Variants in TTN observed in about 807,000 individuals in gnomAD.
TTN encodes connectin.
A neutral mutation model predicts 3,223.0 loss-of-function variants in TTN; 1,525 were observed. That is an observed-to-expected ratio of 0.47 (90% CI 0.45 to 0.49). The LOEUF (loss-of-function observed/expected upper bound fraction) is 0.49, where lower values mean the gene tolerates loss of function less well. Ranked by LOEUF, TTN falls within the 20% of genes least tolerant of loss-of-function variation. The pLI, the probability that TTN is intolerant of heterozygous loss-of-function variation, is 0.00. For missense variants in TTN, 40,786 were observed against 43,424.0 expected, an observed-to-expected ratio of 0.94 and a Z score of 5.40; for synonymous variants, 14,094 against 15,161.0, an observed-to-expected ratio of 0.93 and a Z score of 5.17.
In TTN at chr2:178,534,355, G is replaced by T; in HGVS notation, c.102260C>A (p.Thr34087Lys). 6.2e-7 allele frequency: 1 copy of T among 1,611,846 alleles called. No individual in the cohort carries two copies. The highest frequency in any genetic ancestry group is 8.5e-7 in the Non-Finnish European group (1 of 1,179,812). The change falls in exon 358 of 363, where the codon ACA becomes AAA. Residue 34087 changes from threonine (T) to lysine (K), a missense_variant. Thr to Lys is a moderately conservative substitution (Grantham distance 78). Coordinates refer to ENST00000589042, the MANE Select transcript of TTN (RefSeq NM_001267550.2). ...IERVSTKVIR[T>K]LKHRRYYHTL... ...GTGGTAATAACGCCGGTGTTTTAAT[G>T]TTCTGATAACTTTAGTACTGACTCT...
intron 6 of TTN, chr2:178,799,178 C>G (rs1488956588): frequency 2.6e-6 from 1 of 377,784 alleles, no homozygotes; most frequent in African/African-American, 2.1e-5. Flanking sequence ...TGAGGACAAA[C>G]ACTCCTGCCT....
At position 178,679,429 on chromosome 2, in the gene TTN, T is replaced by C. The variant is rs535050836; in HGVS notation, c.33665-13A>G. 17 of 1,611,580 alleles carry C rather than the reference T, an allele frequency of 1.1e-5. No individual in the cohort carries two copies. The African/African-American group carries it at 1.7e-4, about 16-fold the overall frequency. ...GGAACCTCAGGCACTTTAAAGATAT[T>C]GTTTATTGTTAAGTTCTAACTACTA... On this transcript the variant is annotated splice_polypyrimidine_tract_variant and intron_variant, in intron 141 of 362. Coordinates refer to ENST00000589042, the MANE Select transcript of TTN (RefSeq NM_001267550.2).
intron 354 of TTN, chr2:178,538,328 T>G (rs1296827795): frequency 3.1e-5 from 16 of 510,700 alleles, no homozygotes; most frequent in Non-Finnish European, 5.1e-5. Context: ...TCAAGGAAAG[T>G]GCTCAGTTCA....
Position 178,533,651 on chromosome 2 carries a change from T to G in TTN, c.102964A>C (p.Ser34322Arg). ...DKGLYQLTIN[S>R]VTTDDDAEYT... ...TCAGCGTCATCATCTGTAGTGACAC[T>G]GTTGATTGTTAATTGGTAAAGACCC... The change falls in exon 358 of 363, where the codon AGT (serine) becomes CGT (arginine). Residue 34322 changes from serine (S) to arginine (R), a missense_variant. Transcript: ENST00000589042. The G allele has an allele frequency of 6.2e-7, 1 of 1,613,976 alleles. No individual in the cohort carries two copies. Among genetic ancestry groups the G allele is most frequent in the South Asian group, 1.1e-5 (1 of 91,084 alleles).
chr2:178,752,689 A>T (rs1393359743), intron 47 of TTN, among the ~76,000 whole-genome samples: 2 of 152,082 alleles, frequency 1.3e-5, no homozygotes, highest in Non-Finnish European at 2.9e-5. Context: ...GTTTTCACAC[A>T]ACCTCAGTAA....
At position 178,581,998 on chromosome 2, in the gene TTN, G is replaced by A. The variant is rs1449457427; in HGVS notation, c.66371C>T (p.Thr22124Ile). 2.5e-6 allele frequency: 4 copies of A among 1,613,290 alleles called. No individual in the cohort carries two copies. Among genetic ancestry groups the A allele is most frequent in the Admixed American group, 1.7e-5 (1 of 59,984 alleles). ...AGCTGTAACACGGAACTCATATTCG[G>A]TACCTTCTTGAAGACCTGTTGCTTT... is the stretch of plus-strand genomic sequence containing the variant. ...TLKATGLQEGTEYEFRVTAIN... is the reference protein window; with the variant it reads ...TLKATGLQEGIEYEFRVTAIN... Residue 22124 changes from threonine to isoleucine, a missense_variant, in exon 315 of 363, where the codon ACC (threonine) becomes ATC (isoleucine). Thr to Ile is a moderately conservative substitution (Grantham distance 89). Transcript: ENST00000589042.
At chr2:178,767,721 C>G (rs569812824) in intron 40 of TTN, 38 bp downstream of exon 40, 4 of 1,609,354 alleles carry the variant, frequency 2.5e-6, no homozygotes, top group Non-Finnish European at 3.4e-6. Flanking sequence ...TTATGGACTA[C>G]TGATGATTTT....
chr2:178,529,852 A>C, intron 359 of TTN, 108 bp downstream of exon 359: 4 of 1,231,582 alleles, frequency 3.2e-6, no homozygotes, highest in Non-Finnish European at 4.5e-6. Context: ...TAGGAAAATA[A>C]TTTTATTTTA....
rs794729610 is a variant in TTN at position 178,800,413 on chromosome 2, C to A, written c.565G>T (p.Ala189Ser). The change falls in exon 4 of 363, where the codon GCT becomes TCT. Residue 189 changes from alanine (A) to serine (S), a missense_variant. Ala to Ser is a moderately conservative substitution (Grantham distance 99). Coordinates refer to ENST00000589042, the MANE Select transcript of TTN (RefSeq NM_001267550.2). ...CACGTACCTTGAACCAGTAATTCAG[C>A]AGTCGAAGTAGCTCTTCCAACGCTA... ...TNSVGRATSTAELLVQGEEEV... is the reference protein window; with the variant it reads ...TNSVGRATSTSELLVQGEEEV... 6.2e-7 allele frequency: 1 copy of A among 1,614,032 alleles called. No individual in the cohort carries two copies. Among genetic ancestry groups the A allele is most frequent in the Non-Finnish European group, 8.5e-7 (1 of 1,180,014 alleles).
At chr2:178,664,208 G>A in intron 168 of TTN, 110 bp from the exon 169 acceptor site, 3 of 1,079,656 alleles carry the variant, frequency 2.8e-6, no homozygotes, top group South Asian at 3.3e-5. Flanking sequence ...GCTGAGATCA[G>A]TGGTAACAAG....
At chr2:178,629,091 A>G (rs1172379993) in intron 240 of TTN, among the ~76,000 whole-genome samples, 1 of 152,114 alleles carries the variant, frequency 6.6e-6, no homozygotes, top group Non-Finnish European at 1.5e-5. Context: ...AATTTATTTC[A>G]ATTTCAATAA....
chr2:178,578,711 C>G lies in TTN; in HGVS notation c.68229G>C (p.Val22743=), dbSNP rs895713389. Residue 22743 remains valine, a synonymous_variant, in exon 321 of 363, where the codon GTG becomes GTC. Transcript: ENST00000589042. ...EPIVARHPFD[V]PDAPPPPNIV... Reference sequence around the variant, plus strand: ...TATTGGGAGGTGGGGGAGCATCAGGCACATCTAGAAAAAAGTAGATAATGC... The same window carrying G: ...TATTGGGAGGTGGGGGAGCATCAGGGACATCTAGAAAAAAGTAGATAATGC... The G allele has an allele frequency of 1.2e-6, 2 of 1,609,386 alleles. No homozygotes were observed. Among genetic ancestry groups the G allele is most frequent in the African/African-American group, 2.7e-5 (2 of 74,538 alleles).
At position 178,610,982 on chromosome 2, in the gene TTN, A is replaced by G. The variant is rs2056204870; in HGVS notation, c.51136+11T>C. 6.2e-7 allele frequency: 1 copy of G among 1,609,360 alleles called. No individual in the cohort carries two copies. The highest frequency in any genetic ancestry group is 8.5e-7 in the Non-Finnish European group (1 of 1,178,320). ...TGAAGAATGTCTGGTTTTTCTTCAA[A>G]GAATGATTACCTATGACTTTGACAT... is the stretch of plus-strand genomic sequence containing the variant. On this transcript the variant is annotated intron_variant, in intron 270 of 362. Transcript: ENST00000589042.
chr2:178,629,562 C>T, intron 239 of TTN, 119 bp from the exon 240 acceptor site: 1 of 1,420,622 alleles, frequency 7.0e-7, no homozygotes, highest in Non-Finnish European at 9.7e-7. Context: ...GGACTGGCCA[C>T]TATTTTAACT....
chr2:178,689,516 T>A lies in TTN; in HGVS notation c.31926A>T (p.Ala10642=). 6.2e-7 allele frequency: 1 copy of A among 1,609,104 alleles called. No homozygotes were observed. The highest frequency in any genetic ancestry group is 8.5e-7 in the Non-Finnish European group (1 of 1,177,102). ...VTQREESPPP[A]VPEIPKKKVP... ...TTTCATGGAGATGGGATTAAGTACC[T>A]GCTGGTGGTGGAGATTCCTCTCTTT... Residue 10642 remains alanine, a splice_region_variant and synonymous_variant, in exon 123 of 363, where the codon GCA becomes GCT. Coordinates refer to ENST00000589042, the MANE Select transcript of TTN (RefSeq NM_001267550.2).
In TTN at chr2:178,802,360, T is replaced by A. The variant is rs758759049; in HGVS notation, c.92-19A>T. Reference sequence around the variant, plus strand: ...GGAAAACCTGAAGAGCAAGAACAATTCACCTTTATGTTTGAATGGGCACCA... The same window carrying A: ...GGAAAACCTGAAGAGCAAGAACAATACACCTTTATGTTTGAATGGGCACCA... On this transcript the variant is annotated intron_variant, in intron 2 of 362. Transcript: ENST00000589042. 2 of 1,610,080 alleles carry A rather than the reference T, an allele frequency of 1.2e-6. No homozygotes were observed. Among genetic ancestry groups the A allele is most frequent in the East Asian group, 4.5e-5 (2 of 44,698 alleles).
In TTN at chr2:178,543,533, G is replaced by A. The variant is rs774531768; in HGVS notation, c.96440C>T (p.Ala32147Val). 1.9e-6 allele frequency: 3 copies of A among 1,612,954 alleles called. No individual in the cohort carries two copies. In the East Asian group the frequency reaches 6.7e-5, roughly 36 times the overall value. ...VNNYIVEKRE[A>V]AMRAFKTVTT... is the part of the protein sequence containing the mutation. ...TACTGTTTTGAATGCTCTCATAGCA[G>A]CTTCACGCTTCTCAACGATGTAATT... Residue 32147 changes from alanine (A) to valine (V), a missense_variant, in exon 347 of 363, where the codon GCT becomes GTT. By Grantham distance (64) the Ala-to-Val change is moderately conservative (BLOSUM62 0). Coordinates refer to ENST00000589042, the MANE Select transcript of TTN (RefSeq NM_001267550.2).
At chr2:178,689,027 TGTC>T in intron 125 of TTN, 23 bp downstream of exon 125, 5 of 1,131,014 alleles carry the variant, frequency 4.4e-6, no homozygotes, top group Admixed American at 2.1e-5. Flanking sequence ...TTTTTTTTTT[TGTC>T]AGAGGATTGA....
chr2:178,589,048 C>G lies in TTN; in HGVS notation c.62677G>C (p.Gly20893Arg). The change falls in exon 304 of 363, where the codon GGC becomes CGC. Residue 20893 changes from glycine (G) to arginine (R), a missense_variant. Coordinates refer to ENST00000589042, the MANE Select transcript of TTN (RefSeq NM_001267550.2). ...AGAATATAATTTTGGATTTCACAGC[C>G]ACCATCATCTTCTGGTGGATCCCAG... ...VCWDPPEDDG[G>R]CEIQNYILEK... 6.2e-7 allele frequency: 1 copy of G among 1,609,402 alleles called. No homozygotes were observed. The highest frequency in any genetic ancestry group is 8.5e-7 in the Non-Finnish European group (1 of 1,179,566).
Sources: gnomAD v4.1 joint callset for allele counts (sites outside exome capture counted in the v4.1 genomes callset) on GRCh38, gnomAD v4.1.1 for gene constraint, MANE v1.5 for transcripts, NCBI Gene and HGNC (gene_info 2026-07-23, HGNC 2026-07-21) for gene names.